Variants in DTNB observed in about 807,000 individuals in gnomAD.
DTNB encodes the protein DTN-B.
A neutral mutation model predicts 90.7 loss-of-function variants in DTNB; 63 were observed. That is an observed-to-expected ratio of 0.69 (90% CI 0.57 to 0.86). The LOEUF is 0.86. Among genes scored for constraint, DTNB ranks in the 40% least tolerant of loss-of-function variants. DTNB has a pLI of 0.00. For missense variants in DTNB, 744 were observed against 807.1 expected, an observed-to-expected ratio of 0.92 and a Z score of 0.95; for synonymous variants, 277 against 286.7, an observed-to-expected ratio of 0.97 and a Z score of 0.34.
chr2:25,564,247 T>G (rs912436451), intron 8 of DTNB, among the ~76,000 whole-genome samples: 24 of 152,226 alleles, frequency 1.6e-4, no homozygotes, highest in African/African-American at 5.5e-4. Flanking sequence ...TATGGGGTTA[T>G]GCAGAAAAGC....
At chr2:25,573,189 GC>G (rs2060143994) in intron 8 of DTNB, among the ~76,000 whole-genome samples, 1 of 151,748 alleles carries the variant, frequency 6.6e-6, no homozygotes, top group Non-Finnish European at 1.5e-5. Flanking sequence ...TCAGATATCT[GC>G]CCGCCTTGGC....
chr2:25,416,825 G>GAAGA (rs879913657), intron 16 of DTNB, among the ~76,000 whole-genome samples: 6 of 151,692 alleles, frequency 4.0e-5, no homozygotes, highest in Admixed American at 3.9e-4. Flanking sequence ...AGGAAGGAAG[G>GAAGA]AAGGAAGGAA....
rs905634272 is a variant in DTNB, at chr2:25,424,244, C to T, written c.1554+3291G>A. Among the ~76,000 whole-genome samples the T allele has an allele frequency of 2.0e-5, 3 of 152,224 alleles. No individual in the cohort carries two copies. Among genetic ancestry groups the T allele is most frequent in the Middle Eastern group, 3.4e-3 (1 of 294 alleles). On this transcript the variant is annotated intron_variant, in intron 15 of 20. Transcript: ENST00000406818. This position sits in a 1 kb window ranked among gnomAD's most constrained non-coding sequence, Gnocchi z 4.1. ...GTCTGAACAGCCTTAGCCTGTCAGA[C>T]GGGTAAATGATATTTAAGAACCTGG...
Position 25,648,580 on chromosome 2 carries a change from T to TA in DTNB, c.67+4013dup, listed in dbSNP as rs957050840. 2.3e-3 allele frequency among the ~76,000 whole-genome samples: 349 copies of TA among 151,388 alleles called. 1 individual carries two copies. The highest frequency in any genetic ancestry group is 7.1e-3 in the African/African-American group (293 of 41,336). ...AAGGAAATATTCTGAAAACTAAGGTTAAAAAAAAACTATTTAAATTATTAA... is the reference window on the plus strand; with the variant it reads ...AAGGAAATATTCTGAAAACTAAGGTTAAAAAAAAAACTATTTAAATTATTAA... On this transcript the variant is annotated intron_variant, in intron 2 of 20. Coordinates refer to ENST00000406818, the MANE Select transcript of DTNB (RefSeq NM_021907.5).
At chr2:25,458,174 A>G (rs1021998888) in intron 10 of DTNB, among the ~76,000 whole-genome samples, 1 of 152,180 alleles carries the variant, frequency 6.6e-6, no homozygotes, top group Non-Finnish European at 1.5e-5. Context: ...CTGGCTGAAG[A>G]TTCATTTAAT....
intron 8 of DTNB, among the ~76,000 whole-genome samples, chr2:25,555,599 T>C (rs1206733486): frequency 6.6e-6 from 1 of 152,172 alleles, no homozygotes; most frequent in African/African-American, 2.4e-5. Flanking sequence ...ACACACAAAA[T>C]CAAATCTATT....
chr2:25,540,146 T>A (rs2080867839), intron 8 of DTNB, among the ~76,000 whole-genome samples: 1 of 152,246 alleles, frequency 6.6e-6, no homozygotes, highest in Non-Finnish European at 1.5e-5. Flanking sequence ...CACTTTCCAC[T>A]TAAGTTTTAG....
intron 9 of DTNB, among the ~76,000 whole-genome samples, chr2:25,526,393 A>ATTTTT (rs1417545308): frequency 2.0e-4 from 12 of 59,422 alleles, no homozygotes; most frequent in Admixed American, 7.4e-4. Context: ...ATATATATAT[A>ATTTTT]TATTTTTTTT....
intron 6 of DTNB, among the ~76,000 whole-genome samples, chr2:25,587,553 AC>A (rs1307658625): frequency 6.6e-6 from 1 of 152,180 alleles, no homozygotes; most frequent in Non-Finnish European, 1.5e-5. Context: ...AGGCTGGGGA[AC>A]TTCTTTCAGC....
intron 15 of DTNB, 42 bp downstream of exon 15, chr2:25,427,493 G>T: frequency 1.3e-6 from 2 of 1,594,540 alleles, no homozygotes; most frequent in South Asian, 1.1e-5. Context: ...GCTGTGGTGG[G>T]AGAAGAATGA....
chr2:25,595,293 T>C (rs1429556515), intron 6 of DTNB: 1 of 152,244 alleles, frequency 6.6e-6, no homozygotes, highest in Non-Finnish European at 1.5e-5. Context: ...AAATTTACTA[T>C]GTTCTTTTTG....
At chr2:25,581,578 A>G (rs1322537365) in intron 6 of DTNB, among the ~76,000 whole-genome samples, 4 of 152,216 alleles carry the variant, frequency 2.6e-5, no homozygotes, top group Non-Finnish European at 5.9e-5. Context: ...CTTCCACTGT[A>G]TATGAAACAC....
chr2:25,383,148 G>A (rs2038372127), intron 19 of DTNB, among the ~76,000 whole-genome samples: 1 of 151,420 alleles, frequency 6.6e-6, no homozygotes, highest in Non-Finnish European at 1.5e-5. Context: ...ATACTTATAT[G>A]CTGAAAGTTT....
intron 8 of DTNB, among the ~76,000 whole-genome samples, chr2:25,560,671 T>C (rs1005914097): frequency 1.3e-5 from 2 of 152,188 alleles, no homozygotes; most frequent in East Asian, 3.8e-4. Context: ...TTGGGACTTG[T>C]CATCCTCCAT....
chr2:25,611,812 T>A (rs938947175), intron 4 of DTNB, among the ~76,000 whole-genome samples: 4 of 151,848 alleles, frequency 2.6e-5, no homozygotes, highest in Admixed American at 6.6e-5. Context: ...CATCTCTAAA[T>A]AGAAAAATAA....
intron 9 of DTNB, among the ~76,000 whole-genome samples, chr2:25,511,103 G>A (rs2150687619): frequency 6.6e-6 from 1 of 152,262 alleles, no homozygotes; most frequent in East Asian, 1.9e-4. Context: ...AAATGTGAGA[G>A]GGAATTTGAG....
At chr2:25,632,811 G>A (rs1317207279) in intron 3 of DTNB, among the ~76,000 whole-genome samples, 2 of 152,100 alleles carry the variant, frequency 1.3e-5, no homozygotes, top group Non-Finnish European at 1.5e-5. Context: ...CAGAAAACAG[G>A]CTAAGACAAA....
chr2:25,658,201 G>A (rs1290297343), intron 1 of DTNB, among the ~76,000 whole-genome samples: 2 of 150,906 alleles, frequency 1.3e-5, no homozygotes, highest in Non-Finnish European at 2.9e-5. Flanking sequence ...AGGTTGCAGT[G>A]TGCTGAAATC....
intron 9 of DTNB, among the ~76,000 whole-genome samples, chr2:25,503,002 C>CATGATT (rs2071192747): frequency 1.6e-5 from 2 of 128,014 alleles, no homozygotes; most frequent in South Asian, 5.2e-4. Context: ...TGCAGTGAGC[C>CATGATT]ATGATTGTGC....
Sources: allele counts gnomAD v4.1 joint callset (sites outside exome capture counted in the v4.1 genomes callset), GRCh38; gene constraint gnomAD v4.1.1; non-coding constraint Gnocchi (gnomAD v3.1); transcripts MANE v1.5; gene names NCBI Gene and HGNC (gene_info 2026-07-23, HGNC 2026-07-21).